The following NUP153 variants were observed in gnomAD, a reference collection of about 807,000 sequenced individuals.
The protein encoded by NUP153 is nucleoporin 153, also known as nuclear pore complex protein Nup153.
Under a neutral mutation model 134.6 loss-of-function variants are expected in NUP153, and 27 were observed. The observed-to-expected ratio is 0.20, with a 90% CI of 0.15 to 0.28. NUP153 has a LOEUF of 0.28. NUP153 is among the 10% of genes least tolerant of loss of function. The pLI, the probability that NUP153 is intolerant of heterozygous loss-of-function variation, is 1.00. For synonymous variants in NUP153, 640 were observed against 623.5 expected (o/e 1.03, Z -0.40); for missense variants, 1,821 against 1,731.3 (o/e 1.05, Z -0.92).
intron 16 of NUP153, among the ~76,000 whole-genome samples, chr6:17,633,145 T>C (rs1455597153): frequency 6.6e-6 from 1 of 152,196 alleles, no homozygotes; most frequent in East Asian, 1.9e-4. Flanking sequence ...TGCTGTGGTT[T>C]AAGAAAAAAA....
Position 17,628,634 on chromosome 6 carries a change from T to A in NUP153, c.3544+21A>T. On this transcript the variant is annotated intron_variant, in intron 18 of 21. Coordinates refer to ENST00000262077, the MANE Select transcript of NUP153 (RefSeq NM_005124.4). The surrounding 1 kb of genome is among the most constrained non-coding windows in gnomAD (Gnocchi z 5.4). Reference sequence around the variant, plus strand: ...GTAAAAAAAAAAATAATAATAATAATAATAAAAAGTTAATACTTACCAGCT... The same window carrying A: ...GTAAAAAAAAAAATAATAATAATAAAAATAAAAAGTTAATACTTACCAGCT... 1.6e-6 allele frequency: 2 copies of A among 1,227,310 alleles called. No homozygotes were observed. The highest frequency in any genetic ancestry group is 2.1e-6 in the Non-Finnish European group (2 of 966,916). The allele number at this position is 1,227,310 out of a possible 1,614,324, so 76.0% of individuals were successfully genotyped here. A position where few individuals can be genotyped will look rare whatever the true frequency, so the allele number is the denominator to read the frequency against.
chr6:17,625,945 G>A lies in NUP153; in HGVS notation c.3764C>T (p.Ser1255Phe). The change falls in exon 19 of 22, where the codon TCT becomes TTT. Residue 1255 changes from serine (S) to phenylalanine (F), a missense_variant. Physicochemically the swap from Ser to Phe is radical, Grantham distance 155. Transcript: ENST00000262077. This position sits in a 1 kb window ranked among gnomAD's most constrained non-coding sequence, Gnocchi z 4.7. ...ESSTSQSLLF[S>F]QDSKLATTSS... The stretch of plus-strand genomic sequence containing the variant: ...TGTGGTTGCTAGTTTGCTATCTTGA[G>A]AAAATAGCAAAGACTGAGAGGTGCT... The A allele has an allele frequency of 2.5e-6, 4 of 1,614,174 alleles. No homozygotes were observed. Among genetic ancestry groups the A allele is most frequent in the Non-Finnish European group, 3.4e-6 (4 of 1,180,026 alleles).
chr6:17,693,895 C>T lies in NUP153; in HGVS notation c.112-5277G>A, dbSNP rs138315420. On this transcript the variant is annotated intron_variant, in intron 1 of 21. Transcript: ENST00000262077. ...GCACTCCCAAAGTGCACCACCACCG[C>T]GCCTGGCCTAATACTTCTCTAGTAG... Among the ~76,000 whole-genome samples, 755 of 152,278 alleles carry T rather than the reference C, an allele frequency of 5.0e-3. 4 individuals carry two copies. Among genetic ancestry groups the T allele is most frequent in the South Asian group, 0.013 (65 of 4,824 alleles).
rs1319241705 is a variant in NUP153 at position 17,632,829 on chromosome 6, G to A, written c.2480C>T (p.Ala827Val). The A allele has an allele frequency of 1.8e-6, 2 of 1,085,888 alleles. No homozygotes were observed. The highest frequency in any genetic ancestry group is 8.1e-5 in the East Asian group (2 of 24,672). 67.3% of individuals were successfully genotyped at this position (1,085,888 alleles called of 1,614,324 possible). A position where few individuals can be genotyped will look rare whatever the true frequency, so the allele number is the denominator to read the frequency against. Residue 827 changes from alanine to valine, a missense_variant, in exon 17 of 22, where the codon GCT (alanine) becomes GTT (valine). Physicochemically the swap from Ala to Val is moderately conservative, Grantham distance 64 (BLOSUM62 0). Transcript: ENST00000262077. Reference sequence around the variant, plus strand: ...GACAGGTACAGTGCTGCTACTTGAAGCAGGTACTGAACTTCCTAAAAAAAA... The same window carrying A: ...GACAGGTACAGTGCTGCTACTTGAAACAGGTACTGAACTTCCTAAAAAAAA... ...MSEKPGSSVPASSSSTVPVSL... is the reference protein window; with the variant it reads ...MSEKPGSSVPVSSSSTVPVSL...
At chr6:17,616,840 C>T in intron 20 of NUP153, 145 bp from the exon 21 acceptor site, 1 of 706,478 alleles carries the variant, frequency 1.4e-6, no homozygotes. Context: ...ACCCTTGCCT[C>T]CTGGGTTCAA....
intron 11 of NUP153, chr6:17,651,813 G>GT (rs1766506139): frequency 1.7e-6 from 1 of 579,444 alleles, no homozygotes; most frequent in Non-Finnish European, 3.3e-6. Context: ...AAAAATTGAG[G>GT]TTAGGCATGG....
At chr6:17,654,348 T>C (rs1203603401) in intron 11 of NUP153, among the ~76,000 whole-genome samples, 10 of 151,224 alleles carry the variant, frequency 6.6e-5, no homozygotes, top group Admixed American at 6.6e-4. Context: ...TGAGACGGAG[T>C]TTCGATCTTG....
Position 17,629,001 on chromosome 6 carries a change from C to T in NUP153, c.3198G>A (p.Lys1066=). Residue 1066 remains lysine (K), a synonymous_variant, in exon 18 of 22, where the codon AAG becomes AAA. Coordinates refer to ENST00000262077, the MANE Select transcript of NUP153 (RefSeq NM_005124.4). ...KSASVAPFTC[K]TSEAKKEEMP... is the part of the protein sequence containing the mutation. ...TTTCTTCTTTTTTAGCTTCTGATGT[C>T]TTACATGTGAAAGGAGCCACTGAAG... 6.2e-7 allele frequency: 1 copy of T among 1,614,118 alleles called. No individual in the cohort carries two copies. The highest frequency in any genetic ancestry group is 1.1e-5 in the South Asian group (1 of 91,074).
At chr6:17,697,097 A>T (rs947771802) in intron 1 of NUP153, among the ~76,000 whole-genome samples, 1 of 152,106 alleles carries the variant, frequency 6.6e-6, no homozygotes, top group South Asian at 2.1e-4. Context: ...ATCTTAAAAA[A>T]TACTCTGTGG....
At chr6:17,620,919 GA>G (rs1255134988) in intron 20 of NUP153, among the ~76,000 whole-genome samples, 1 of 152,158 alleles carries the variant, frequency 6.6e-6, no homozygotes, top group Admixed American at 6.5e-5. Flanking sequence ...AATCAGGAGT[GA>G]AAAATTTGTT....
At chr6:17,640,901 G>A (rs898083273) in intron 14 of NUP153, among the ~76,000 whole-genome samples, 1 of 152,044 alleles carries the variant, frequency 6.6e-6, no homozygotes, top group African/African-American at 2.4e-5. Flanking sequence ...GGCATTACTG[G>A]CATGAGTCAT....
chr6:17,632,825 T>C lies in NUP153; in HGVS notation c.2484A>G (p.Ser828=), dbSNP rs1382916552. ...SEKPGSSVPA[S]SSSTVPVSLP... is the part of the protein sequence containing the mutation. ...GAGAGACAGGTACAGTGCTGCTACT[T>C]GAAGCAGGTACTGAACTTCCTAAAA... The change falls in exon 17 of 22, where the codon TCA becomes TCG. Residue 828 remains serine (S), a synonymous_variant. Coordinates refer to ENST00000262077, the MANE Select transcript of NUP153 (RefSeq NM_005124.4). 1 of 1,430,214 alleles carries C rather than the reference T, an allele frequency of 7.0e-7. No homozygotes were observed. The highest frequency in any genetic ancestry group is 2.0e-5 in the Admixed American group (1 of 49,282). The allele number at this position is 1,430,214 out of a possible 1,614,324, so 88.6% of individuals were successfully genotyped here.
Position 17,638,868 on chromosome 6 carries a change from C to T in NUP153, c.1846+1071G>A, listed in dbSNP as rs1765696085. Reference sequence around the variant, plus strand: ...TAACTGCATGGAACTGTCCAAGCTACTGGACTCCTGTAGGCAGTATACTTA... The same window carrying T: ...TAACTGCATGGAACTGTCCAAGCTATTGGACTCCTGTAGGCAGTATACTTA... On this transcript the variant is annotated intron_variant, in intron 15 of 21. Coordinates refer to ENST00000262077, the MANE Select transcript of NUP153 (RefSeq NM_005124.4). This position sits in a 1 kb window ranked among gnomAD's most constrained non-coding sequence, Gnocchi z 4.0. Among the ~76,000 whole-genome samples the T allele has an allele frequency of 2.6e-5, 4 of 152,320 alleles. No individual in the cohort carries two copies. In the South Asian group the frequency reaches 8.3e-4, roughly 32 times the overall value.
chr6:17,658,618 C>T (rs974520823), intron 11 of NUP153, among the ~76,000 whole-genome samples: 1 of 152,090 alleles, frequency 6.6e-6, no homozygotes, highest in Non-Finnish European at 1.5e-5. Flanking sequence ...AAGAACTCAA[C>T]GTTAGCCATT....
intron 2 of NUP153, among the ~76,000 whole-genome samples, chr6:17,685,626 G>A (rs1194212039): frequency 6.6e-6 from 1 of 151,766 alleles, no homozygotes; most frequent in African/African-American, 2.4e-5. Flanking sequence ...GTATTCCCTA[G>A]TGACATCATA....
intron 20 of NUP153, among the ~76,000 whole-genome samples, chr6:17,619,217 A>C (rs556327681): frequency 6.6e-6 from 1 of 152,344 alleles, no homozygotes; most frequent in Non-Finnish European, 1.5e-5. Context: ...AATTATAAAA[A>C]TGATTTCCAA....
At chr6:17,643,364 C>T (rs1765956996) in intron 14 of NUP153, among the ~76,000 whole-genome samples, 1 of 151,990 alleles carries the variant, frequency 6.6e-6, no homozygotes, top group Non-Finnish European at 1.5e-5. Context: ...CACAGCTACT[C>T]GGGAGGCTGA....
chr6:17,639,558 T>A (rs899087035), intron 15 of NUP153, among the ~76,000 whole-genome samples: 2 of 152,236 alleles, frequency 1.3e-5, no homozygotes, highest in African/African-American at 4.8e-5. Context: ...ATTCAGCAGA[T>A]GCTTTCCACT....
At chr6:17,618,628 C>G (rs1000173662) in intron 20 of NUP153, among the ~76,000 whole-genome samples, 1 of 148,804 alleles carries the variant, frequency 6.7e-6, no homozygotes, top group South Asian at 2.1e-4. Flanking sequence ...TGCAGTGGCA[C>G]GGTCTCAGCT....
Sources: allele counts gnomAD v4.1 joint callset (sites outside exome capture counted in the v4.1 genomes callset), GRCh38; gene constraint gnomAD v4.1.1; non-coding constraint Gnocchi (gnomAD v3.1); transcripts MANE v1.5; gene names NCBI Gene and HGNC (gene_info 2026-07-23, HGNC 2026-07-21).